The following STARD10 variants were observed in gnomAD, a reference collection of about 807,000 sequenced individuals.
The protein encoded by STARD10 is StAR related lipid transfer domain containing 10, also known as START domain-containing protein 10.
Under a neutral mutation model 36.0 loss-of-function variants are expected in STARD10, and 24 were observed. The observed-to-expected ratio is 0.67, with a 90% confidence interval of 0.48 to 0.94. The LOEUF (loss-of-function observed/expected upper bound fraction) is 0.94. Ranked by LOEUF, STARD10 falls within the 40% of genes least tolerant of loss-of-function variation. The pLI is 0.00. For missense variants in STARD10, 335 were observed against 396.6 expected (o/e 0.84, Z 1.32); for synonymous variants, 156 against 161.9 (o/e 0.96, Z 0.28).
chr11:72,780,547 C>T (rs1169818635), intron 2 of STARD10: 3 of 350,692 alleles, frequency 8.6e-6, no homozygotes, highest in South Asian at 2.1e-5. Context: ...GTGCAGAAAG[C>T]GGGGAAGGAG....
intron 2 of STARD10, among the ~76,000 whole-genome samples, chr11:72,774,312 T>C (rs977150845): frequency 5.9e-5 from 9 of 152,202 alleles, no homozygotes; most frequent in African/African-American, 2.2e-4. Context: ...AGGTGGCAAG[T>C]ACCTGCCTTC....
intron 2 of STARD10, among the ~76,000 whole-genome samples, chr11:72,771,605 G>A (rs745463670): frequency 3.3e-5 from 5 of 152,062 alleles, no homozygotes; most frequent in Non-Finnish European, 7.4e-5. Context: ...GGCCTTCTCC[G>A]CCGCTCTCCA....
chr11:72,790,085 C>T (rs551015210), intron 1 of STARD10, among the ~76,000 whole-genome samples: 85 of 152,356 alleles, frequency 5.6e-4, no homozygotes, highest in Middle Eastern at 3.4e-3. Context: ...CGGCCCCACT[C>T]GCCCCAGACC....
chr11:72,759,114 CAA>C (rs1483467811), intron 3 of STARD10, 118 bp downstream of exon 3: 4 of 1,272,392 alleles, frequency 3.1e-6, no homozygotes, highest in Non-Finnish European at 4.4e-6. Flanking sequence ...TCTCAGCACT[CAA>C]GTCTCCGAGC....
chr11:72,790,400 A>G, intron 1 of STARD10: 1 of 152,402 alleles, frequency 6.6e-6, no homozygotes, highest in Non-Finnish European at 1.5e-5. Context: ...TCTATAAATA[A>G]GGAGTTTGAA....
chr11:72,791,905 G>C (rs895108034), intron 1 of STARD10, among the ~76,000 whole-genome samples: 1 of 151,492 alleles, frequency 6.6e-6, no homozygotes, highest in African/African-American at 2.4e-5. Context: ...ACGGAGTTTC[G>C]TTCTTGTTGC....
At chr11:72,780,802 CTG>C in intron 2 of STARD10, 171 bp downstream of exon 2, 1 of 681,758 alleles carries the variant, frequency 1.5e-6, no homozygotes, top group Non-Finnish European at 2.5e-6. Flanking sequence ...GTTGGCCCAT[CTG>C]TGTGATGGGG....
At chr11:72,783,937 C>A (rs1012625220) in intron 1 of STARD10, among the ~76,000 whole-genome samples, 1 of 152,132 alleles carries the variant, frequency 6.6e-6, no homozygotes, top group African/African-American at 2.4e-5. Flanking sequence ...AACCAAGAAT[C>A]TTTTGGATCT....
Position 72,781,343 on chromosome 11 carries a change from G to A in STARD10, c.-113-49C>T. The A allele has an allele frequency of 1.6e-6, 1 of 625,194 alleles. No homozygotes were observed. The highest frequency in any genetic ancestry group is 2.8e-6 in the Non-Finnish European group (1 of 356,314). 38.7% of individuals were successfully genotyped at this position (625,194 alleles called of 1,614,324 possible). Reference sequence around the variant, plus strand: ...GAATCAGTGCGCTGGGGGCGCGGGTGGGGCTGTTCGGGGTCCTGGCGGGTG... The same window carrying A: ...GAATCAGTGCGCTGGGGGCGCGGGTAGGGCTGTTCGGGGTCCTGGCGGGTG... On this transcript the variant is annotated intron_variant, in intron 1 of 6. Transcript: ENST00000334805. This position sits in a 1 kb window ranked among gnomAD's most constrained non-coding sequence, Gnocchi z 4.7.
intron 2 of STARD10, chr11:72,780,768 G>A (rs963814593): frequency 3.3e-6 from 2 of 600,130 alleles, no homozygotes; most frequent in Non-Finnish European, 5.9e-6. Flanking sequence ...GGCAGGGTGA[G>A]TCACTCCTGC....
At chr11:72,765,399 C>T (rs116593708) in intron 2 of STARD10, among the ~76,000 whole-genome samples, 280 of 152,268 alleles carry the variant, frequency 1.8e-3, no homozygotes, top group African/African-American at 6.5e-3. Flanking sequence ...CCGGGATTCC[C>T]GAGAACCCCT....
At chr11:72,758,158 C>CAT (rs1003012001) in intron 4 of STARD10, among the ~76,000 whole-genome samples, 1 of 152,214 alleles carries the variant, frequency 6.6e-6, no homozygotes, top group Non-Finnish European at 1.5e-5. Context: ...CAGACACACA[C>CAT]ACTCACCCTT....
At chr11:72,771,213 G>A (rs1388245035) in intron 2 of STARD10, among the ~76,000 whole-genome samples, 3 of 152,186 alleles carry the variant, frequency 2.0e-5, no homozygotes, top group African/African-American at 7.2e-5. Flanking sequence ...TAGGACCCAA[G>A]GAATCAGGTG....
intron 2 of STARD10, among the ~76,000 whole-genome samples, chr11:72,774,669 G>A (rs907248954): frequency 6.6e-6 from 1 of 152,228 alleles, no homozygotes. Context: ...AGGGATCGGG[G>A]CTGAAATAAG....
At chr11:72,759,632 A>G (rs1195542886) in intron 2 of STARD10, among the ~76,000 whole-genome samples, 1 of 152,150 alleles carries the variant, frequency 6.6e-6, no homozygotes, top group Non-Finnish European at 1.5e-5. Context: ...CTCCTCCTCC[A>G]GGAAGCCTTC....
rs771130235 is a variant in STARD10 at position 72,793,983 on chromosome 11, C to T, written c.-1222G>A. 29 of 152,216 alleles carry T rather than the reference C, an allele frequency of 1.9e-4. No homozygotes were observed. The highest frequency in any genetic ancestry group is 4.1e-4 in the Non-Finnish European group (28 of 68,056). The allele number at this position is 152,216 out of a possible 1,614,324, so 9.4% of individuals were successfully genotyped here. On this transcript the variant is annotated 5_prime_UTR_variant, in exon 1 of 7. Coordinates refer to ENST00000334805, the MANE Select transcript of STARD10 (RefSeq NM_006645.3). ...GGCATCGTCCTTCTGACCGGGGACTCCAGCATCTCAGTCATCGCGTCACCA... is the reference window on the plus strand; with the variant it reads ...GGCATCGTCCTTCTGACCGGGGACTTCAGCATCTCAGTCATCGCGTCACCA...
intron 1 of STARD10, among the ~76,000 whole-genome samples, chr11:72,782,780 G>A (rs1859022066): frequency 6.6e-6 from 1 of 152,192 alleles, no homozygotes; most frequent in South Asian, 2.1e-4. Flanking sequence ...CATCTGCTCT[G>A]TGTGAACTGA....
intron 6 of STARD10, 57 bp from the exon 7 acceptor site, chr11:72,755,199 C>T: frequency 6.5e-7 from 1 of 1,531,630 alleles, no homozygotes; most frequent in Admixed American, 1.9e-5. Context: ...GTCTTCTCCA[C>T]ACCCCCCTCC....
chr11:72,757,137 C>A, intron 5 of STARD10, among the ~76,000 whole-genome samples: 1 of 115,490 alleles, frequency 8.7e-6, no homozygotes, highest in African/African-American at 3.8e-5. Flanking sequence ...AAGAGTGAAA[C>A]TCTGTCTCAA....
Sources: gnomAD v4.1 joint callset for allele counts (sites outside exome capture counted in the v4.1 genomes callset) on GRCh38, gnomAD v4.1.1 for gene constraint, Gnocchi (gnomAD v3.1) non-coding constraint, MANE v1.5 for transcripts, NCBI Gene and HGNC (gene_info 2026-07-23, HGNC 2026-07-21) for gene names.